VCL: variants seen among roughly 807,000 people sequenced by gnomAD.
The protein encoded by VCL is vinculin.
VCL carries 47 observed loss-of-function variants against 125.7 expected under a neutral mutation model. That is an observed-to-expected ratio of 0.37 (90% CI 0.30 to 0.48). The LOEUF (loss-of-function observed/expected upper bound fraction) is 0.48, where lower values mean the gene tolerates loss of function less well. Ranked by LOEUF, VCL falls within the 20% of genes least tolerant of loss-of-function variation. The pLI, the probability that VCL is intolerant of heterozygous loss-of-function variation, is 0.99. For synonymous variants in VCL, 458 were observed against 514.6 expected (o/e 0.89, Z 1.49); for missense variants, 1,069 against 1,455.5 (o/e 0.73, Z 4.32).
chr10:74,061,687 C>T (rs1317920607), intron 2 of VCL, among the ~76,000 whole-genome samples: 2 of 152,132 alleles, frequency 1.3e-5, no homozygotes, highest in Admixed American at 6.6e-5. Flanking sequence ...TCCCACAGTT[C>T]ACTGATGCCA....
chr10:74,058,199 G>A (rs530296836), intron 2 of VCL, among the ~76,000 whole-genome samples: 10 of 152,162 alleles, frequency 6.6e-5, no homozygotes, highest in Non-Finnish European at 1.5e-4. Flanking sequence ...GGAGGTGCTG[G>A]GTGCAGTGGC....
intron 1 of VCL, among the ~76,000 whole-genome samples, chr10:74,028,636 A>T (rs1489616264): frequency 6.6e-6 from 1 of 152,108 alleles, no homozygotes; most frequent in Non-Finnish European, 1.5e-5. Flanking sequence ...ACCTCAGGTG[A>T]TCCACTCACC....
rs1181343504 is a variant in VCL, at chr10:74,062,353, C to T, written c.240-8317C>T. Among the ~76,000 whole-genome samples, 3 of 150,228 alleles carry T rather than the reference C, an allele frequency of 2.0e-5. No individual in the cohort carries two copies. In the East Asian group the frequency reaches 5.8e-4, roughly 29 times the overall value. The stretch of plus-strand genomic sequence containing the variant: ...GTGCTAGGATTACAGGTGTGAGCCA[C>T]CATGCCTGGCCTGATTTTTTTTTTT... On this transcript the variant is annotated intron_variant, in intron 2 of 21. Transcript: ENST00000211998.
Position 74,078,342 on chromosome 10 carries a change from A to T in VCL, c.783+3439A>T, listed in dbSNP as rs887081353. 2.6e-5 allele frequency among the ~76,000 whole-genome samples: 4 copies of T among 152,168 alleles called. No homozygotes were observed. The South Asian group carries it at 6.2e-4, about 24-fold the overall frequency. Reference sequence around the variant, plus strand: ...TTAGCAAACTTAACTAAGGCAGGAAATGTTGGTTAGAACTTGTGAGTGTGT... The same window carrying T: ...TTAGCAAACTTAACTAAGGCAGGAATTGTTGGTTAGAACTTGTGAGTGTGT... On this transcript the variant is annotated intron_variant, in intron 6 of 21. Coordinates refer to ENST00000211998, the MANE Select transcript of VCL (RefSeq NM_014000.3).
At chr10:74,032,370 G>A (rs1374541593) in intron 1 of VCL, among the ~76,000 whole-genome samples, 1 of 151,964 alleles carries the variant, frequency 6.6e-6, no homozygotes, top group Non-Finnish European at 1.5e-5. Context: ...CCCACAGACT[G>A]GGAAAAATAT....
chr10:74,092,752 G>A (rs1234091241), intron 10 of VCL, among the ~76,000 whole-genome samples: 2 of 152,160 alleles, frequency 1.3e-5, no homozygotes, highest in East Asian at 3.9e-4. Context: ...TGAGAAGGTC[G>A]TTAAAAATGC....
chr10:74,087,111 T>C (rs1222575826), intron 8 of VCL, among the ~76,000 whole-genome samples: 4 of 152,016 alleles, frequency 2.6e-5, no homozygotes, highest in Non-Finnish European at 5.9e-5. Flanking sequence ...CATCATGAAG[T>C]AGTAGATTTG....
chr10:74,039,729 C>T (rs982331116), intron 1 of VCL, among the ~76,000 whole-genome samples: 1 of 152,028 alleles, frequency 6.6e-6, no homozygotes, highest in Non-Finnish European at 1.5e-5. Context: ...GATTGCACCA[C>T]TGCACTCAAG....
chr10:74,063,039 C>T (rs1409668491), intron 2 of VCL, among the ~76,000 whole-genome samples: 1 of 152,118 alleles, frequency 6.6e-6, no homozygotes, highest in Non-Finnish European at 1.5e-5. Flanking sequence ...CACTGCACTC[C>T]AGCCTGGGCG....
rs761174435 is a variant in VCL, at chr10:74,070,793, C to T, written c.363C>T (p.Asp121=). 1.2e-6 allele frequency: 2 copies of T among 1,614,046 alleles called. No individual in the cohort carries two copies. Among genetic ancestry groups the T allele is most frequent in the South Asian group, 2.2e-5 (2 of 91,076 alleles). The change falls in exon 3 of 22, where the codon GAC becomes GAT. Residue 121 remains aspartate (D), a synonymous_variant. Transcript: ENST00000211998. ...GGGGCATCCTCTCTGGAACATCAGA[C>T]CTGCTCCTTACCTTCGATGAGGCTG... is the stretch of plus-strand genomic sequence containing the variant. ...GSRGILSGTS[D]LLLTFDEAEV...
intron 8 of VCL, among the ~76,000 whole-genome samples, chr10:74,087,794 T>A (rs1051141646): frequency 5.3e-5 from 8 of 151,690 alleles, no homozygotes; most frequent in Non-Finnish European, 1.0e-4. Flanking sequence ...TGGCCAACAG[T>A]GTGAAACCCC....
At chr10:74,110,518 C>G (rs916542537) in intron 18 of VCL, among the ~76,000 whole-genome samples, 1 of 152,170 alleles carries the variant, frequency 6.6e-6, no homozygotes, top group Non-Finnish European at 1.5e-5. Flanking sequence ...GTCTGTCAAC[C>G]TATCTGTCTT....
intron 6 of VCL, chr10:74,075,199 A>G (rs754710320): frequency 3.2e-5 from 12 of 376,654 alleles, no homozygotes; most frequent in Non-Finnish European, 5.4e-5. Context: ...GTGGAAGAGT[A>G]TATTCCCGTG....
At chr10:74,028,555 C>G (rs576467624) in intron 1 of VCL, among the ~76,000 whole-genome samples, 1 of 151,940 alleles carries the variant, frequency 6.6e-6, no homozygotes, top group East Asian at 1.9e-4. Context: ...CACCACCATG[C>G]CCAACTAATT....
rs147881108 is a variant in VCL at position 74,058,362 on chromosome 10, C to T, written c.240-12308C>T. ...AGCTCTCTCTCTCTAATACAGGGAT[C>T]GTGGTATGTAAACACCTGTTTCCTT... On this transcript the variant is annotated intron_variant, in intron 2 of 21. Transcript: ENST00000211998. Among the ~76,000 whole-genome samples, 603 of 152,208 alleles carry T rather than the reference C, an allele frequency of 4.0e-3. 2 individuals carry two copies. The highest frequency in any genetic ancestry group is 0.014 in the African/African-American group (565 of 41,532).
At chr10:74,059,578 T>C (rs1237348069) in intron 2 of VCL, among the ~76,000 whole-genome samples, 2 of 152,118 alleles carry the variant, frequency 1.3e-5, no homozygotes, top group African/African-American at 2.4e-5. Flanking sequence ...CTAATTTTTG[T>C]ATTTTTTAAG....
chr10:74,040,099 A>C (rs1212419776), intron 1 of VCL, among the ~76,000 whole-genome samples: 1 of 152,230 alleles, frequency 6.6e-6, no homozygotes, highest in South Asian at 2.1e-4. Flanking sequence ...TCTCAGCTCC[A>C]ATTTTGCTTC....
At position 74,016,672 on chromosome 10, in the gene VCL, T is replaced by C. The variant is rs1272131374; in HGVS notation, c.168+18297T>C. ...GTCTCTCACTCTTTTTTAATTTTGG[T>C]AAAATGTACATAATATTAGCTTTAC... On this transcript the variant is annotated intron_variant, in intron 1 of 21. Coordinates refer to ENST00000211998, the MANE Select transcript of VCL (RefSeq NM_014000.3). 4.6e-5 allele frequency among the ~76,000 whole-genome samples: 7 copies of C among 152,234 alleles called. No individual in the cohort carries two copies. The East Asian group carries it at 9.6e-4, about 21-fold the overall frequency.
chr10:74,054,018 G>A (rs981904715), intron 2 of VCL, among the ~76,000 whole-genome samples: 26 of 152,092 alleles, frequency 1.7e-4, no homozygotes, highest in African/African-American at 6.0e-4. Context: ...CCAAAGACAT[G>A]GTTGGTATGA....
Sources: allele counts gnomAD v4.1 joint callset (sites outside exome capture counted in the v4.1 genomes callset), GRCh38; gene constraint gnomAD v4.1.1; transcripts MANE v1.5; gene names NCBI Gene and HGNC (gene_info 2026-07-23, HGNC 2026-07-21).